Variants in GNAO1 observed in about 807,000 individuals in gnomAD.
GNAO1 encodes the protein G protein subunit alpha o1.
For missense variants in GNAO1, 166 were observed against 478.7 expected, an observed-to-expected ratio of 0.35 and a Z score of 6.10; for synonymous variants, 164 against 180.7, an observed-to-expected ratio of 0.91 and a Z score of 0.74.
At chr16:56,250,271 G>C (rs1307609615) in intron 2 of GNAO1, among the ~76,000 whole-genome samples, 2 of 152,136 alleles carry the variant, frequency 1.3e-5, no homozygotes, top group Non-Finnish European at 2.9e-5. Context: ...GGATCTTCTT[G>C]GCTTACCAGG....
chr16:56,196,143 C>A (rs188048604), intron 2 of GNAO1, among the ~76,000 whole-genome samples: 11 of 152,090 alleles, frequency 7.2e-5, no homozygotes, highest in Non-Finnish European at 1.2e-4. Flanking sequence ...GGTTCCCCCC[C>A]CCTTGTGTGT....
At chr16:56,206,230 G>T (rs369426743) in intron 2 of GNAO1, among the ~76,000 whole-genome samples, 194 of 150,530 alleles carry the variant, frequency 1.3e-3, no homozygotes, top group African/African-American at 4.5e-3. Context: ...TGAGGCAGGA[G>T]AATCACTTGA....
At position 56,351,816 on chromosome 16, in the gene GNAO1, A is replaced by C. The variant is rs751016323; in HGVS notation, c.877+279A>C. 2.9e-5 allele frequency: 11 copies of C among 385,208 alleles called. No individual in the cohort carries two copies. The highest frequency in any genetic ancestry group is 3.8e-5 in the South Asian group (1 of 26,284). The allele number at this position is 385,208 out of a possible 1,614,324, so 23.9% of individuals were successfully genotyped here. ...GGAGCAGGGGGCAGGACAGGATCAC[A>C]GGCTTCCCCCTTCCTCCTGGTCACC... On this transcript the variant is annotated intron_variant, in intron 7 of 8. Transcript: ENST00000262493. This position sits in a 1 kb window ranked among gnomAD's most constrained non-coding sequence, Gnocchi z 6.1.
chr16:56,348,762 G>A (rs547404830), intron 6 of GNAO1, among the ~76,000 whole-genome samples: 5 of 139,910 alleles, frequency 3.6e-5, no homozygotes, highest in East Asian at 2.3e-4. Context: ...CAGTGCCGGC[G>A]CCTCCCCTGC....
At chr16:56,258,600 G>C (rs1328626421) in intron 2 of GNAO1, among the ~76,000 whole-genome samples, 4 of 152,230 alleles carry the variant, frequency 2.6e-5, no homozygotes, top group Non-Finnish European at 1.5e-5. Flanking sequence ...TAGAGTCCTG[G>C]AACTTGCCAT....
chr16:56,291,460 C>T (rs1278506681), intron 3 of GNAO1, among the ~76,000 whole-genome samples: 1 of 152,204 alleles, frequency 6.6e-6, no homozygotes, highest in Non-Finnish European at 1.5e-5. Flanking sequence ...GGTTATTTGT[C>T]TTACGGTTAA....
chr16:56,292,301 A>G (rs986927208), intron 3 of GNAO1, among the ~76,000 whole-genome samples: 1 of 152,182 alleles, frequency 6.6e-6, no homozygotes, highest in Non-Finnish European at 1.5e-5. Flanking sequence ...CTGCATCCCC[A>G]GAACAATCTC....
At chr16:56,342,422 C>T (rs1339320991) in intron 6 of GNAO1, among the ~76,000 whole-genome samples, 1 of 152,204 alleles carries the variant, frequency 6.6e-6, no homozygotes, top group Non-Finnish European at 1.5e-5. Context: ...GCCCTGCTTG[C>T]ACCTGGCATG....
chr16:56,343,755 C>T (rs771528056), intron 6 of GNAO1: 2 of 1,609,082 alleles, frequency 1.2e-6, no homozygotes, highest in Non-Finnish European at 1.7e-6. Context: ...TGCCTGTTTG[C>T]TCTGCAGGCC....
At chr16:56,256,281 CAGCCCACTGGTTCAGCCACT>C (rs1782834158) in intron 2 of GNAO1, among the ~76,000 whole-genome samples, 1 of 152,194 alleles carries the variant, frequency 6.6e-6, no homozygotes, top group Non-Finnish European at 1.5e-5. Context: ...CAGGGGGTTG[CAGCCCACTGGTTCAGCCACT>C]TCTTGGTCTG....
At chr16:56,256,266 C>A (rs1355120331) in intron 2 of GNAO1, among the ~76,000 whole-genome samples, 1 of 152,180 alleles carries the variant, frequency 6.6e-6, no homozygotes, top group African/African-American at 2.4e-5. Context: ...CCTTTGGCTA[C>A]AGGGCAGGGG....
At chr16:56,340,971 C>T in intron 6 of GNAO1, 1 of 1,613,858 alleles carries the variant, frequency 6.2e-7, no homozygotes, top group Non-Finnish European at 8.5e-7. Flanking sequence ...TCACCATCTG[C>T]TTTCCTGAAT....
chr16:56,221,077 G>A (rs920769796), intron 2 of GNAO1, among the ~76,000 whole-genome samples: 8 of 152,028 alleles, frequency 5.3e-5, no homozygotes, highest in African/African-American at 1.9e-4. Context: ...AGAGCTCAAG[G>A]GGGCAAGTTC....
intron 2 of GNAO1, among the ~76,000 whole-genome samples, chr16:56,215,767 A>G (rs1459383318): frequency 6.6e-6 from 1 of 152,132 alleles, no homozygotes. Flanking sequence ...AAGTTTTTGC[A>G]AGCTTATATG....
intron 2 of GNAO1, among the ~76,000 whole-genome samples, chr16:56,268,223 G>A (rs1216356606): frequency 2.0e-5 from 3 of 152,370 alleles, no homozygotes; most frequent in Admixed American, 2.0e-4. Flanking sequence ...TCGTGGCAAA[G>A]GAGGCAGGGA....
At chr16:56,340,383 C>G (rs1376532271) in intron 6 of GNAO1, 1 of 154,540 alleles carries the variant, frequency 6.5e-6, no homozygotes, top group Non-Finnish European at 1.4e-5. Context: ...TGTTTCCCAA[C>G]TGAATGCGTG....
intron 3 of GNAO1, among the ~76,000 whole-genome samples, chr16:56,286,949 G>A (rs1173002716): frequency 1.3e-5 from 2 of 152,156 alleles, no homozygotes; most frequent in Non-Finnish European, 2.9e-5. Flanking sequence ...GCTACCAGCT[G>A]TGCTGCCCCG....
intron 3 of GNAO1, among the ~76,000 whole-genome samples, chr16:56,294,341 TAA>T (rs377121608): frequency 1.9e-4 from 25 of 133,596 alleles, no homozygotes; most frequent in African/African-American, 5.6e-5. Context: ...GGCTTTGCTT[TAA>T]AAAAAAAAAA....
chr16:56,297,703 G>A (rs918494172), intron 3 of GNAO1, among the ~76,000 whole-genome samples: 1 of 152,092 alleles, frequency 6.6e-6, no homozygotes. Context: ...AGTCAGCTAG[G>A]CAGAATTGAA....
Sources: allele counts gnomAD v4.1 joint callset (sites outside exome capture counted in the v4.1 genomes callset), GRCh38; gene constraint gnomAD v4.1.1; non-coding constraint Gnocchi (gnomAD v3.1); transcripts MANE v1.5; gene names NCBI Gene and HGNC (gene_info 2026-07-23, HGNC 2026-07-21).